SLAIN2: variants seen among roughly 807,000 people sequenced by gnomAD.
SLAIN2 encodes the protein SLAIN family member 2, also known as SLAIN motif-containing protein 2.
Under a neutral mutation model 56.6 loss-of-function variants are expected in SLAIN2, and 31 were observed. That is an observed-to-expected ratio of 0.55 (90% confidence interval 0.41 to 0.74). The LOEUF (loss-of-function observed/expected upper bound fraction) is 0.74, where lower values mean the gene tolerates loss of function less well. Among genes scored for constraint, SLAIN2 ranks in the 30% least tolerant of loss-of-function variants. The pLI is 0.00. For synonymous variants in SLAIN2, 317 were observed against 284.9 expected (o/e 1.11, Z -1.13); for missense variants, 777 against 754.2 (o/e 1.03, Z -0.35).
intron 5 of SLAIN2, 107 bp downstream of exon 5, chr4:48,383,034 G>C: frequency 8.5e-7 from 1 of 1,173,264 alleles, no homozygotes; most frequent in Non-Finnish European, 1.2e-6. Context: ...TGGGCATGGT[G>C]GTGCACATCT....
chr4:48,351,114 A>G (rs1714998875), intron 1 of SLAIN2, among the ~76,000 whole-genome samples: 3 of 152,308 alleles, frequency 2.0e-5, no homozygotes, highest in Middle Eastern at 3.4e-3. Flanking sequence ...GTGAGACAGT[A>G]AGAAAGTACC....
At chr4:48,400,643 C>T (rs547203699) in intron 6 of SLAIN2, among the ~76,000 whole-genome samples, 3 of 152,130 alleles carry the variant, frequency 2.0e-5, no homozygotes, top group South Asian at 2.1e-4. Flanking sequence ...CTCAAGTGAT[C>T]GCCCGCCTTG....
rs539460261 is a variant in SLAIN2, at chr4:48,419,721, A to G, written c.1361-404A>G. On this transcript the variant is annotated intron_variant, in intron 6 of 7. Transcript: ENST00000264313. ...CAGATACTTGATACATGTTTACGTGAATGTTTCTTTTCAGGGGAAATACAT... is the reference window on the plus strand; with the variant it reads ...CAGATACTTGATACATGTTTACGTGGATGTTTCTTTTCAGGGGAAATACAT... Among the ~76,000 whole-genome samples the G allele has an allele frequency of 7.9e-5, 12 of 152,302 alleles. No individual in the cohort carries two copies. The South Asian group carries it at 2.5e-3, about 32-fold the overall frequency.
chr4:48,356,309 T>C (rs1715152458), intron 1 of SLAIN2, among the ~76,000 whole-genome samples: 1 of 152,210 alleles, frequency 6.6e-6, no homozygotes, highest in African/African-American at 2.4e-5. Context: ...TCCATACATA[T>C]ACCCATGTGT....
intron 1 of SLAIN2, among the ~76,000 whole-genome samples, chr4:48,359,626 AT>A (rs1473352736): frequency 6.6e-6 from 1 of 152,160 alleles, no homozygotes; most frequent in African/African-American, 2.4e-5. Context: ...TTGGAGTGTA[AT>A]TTTGGTAGAG....
intron 1 of SLAIN2, among the ~76,000 whole-genome samples, chr4:48,360,656 G>T (rs1432469025): frequency 6.6e-6 from 1 of 152,114 alleles, no homozygotes; most frequent in Non-Finnish European, 1.5e-5. Flanking sequence ...TCAGTGTTCA[G>T]TAGTTTTTAA....
At chr4:48,362,232 CTA>C (rs1560452083) in intron 1 of SLAIN2, among the ~76,000 whole-genome samples, 2 of 151,500 alleles carry the variant, frequency 1.3e-5, no homozygotes, top group Non-Finnish European at 2.9e-5. Context: ...TTAGGAGAAA[CTA>C]TTTGGTCTTT....
chr4:48,368,326 G>A (rs1448125075), intron 1 of SLAIN2, among the ~76,000 whole-genome samples: 1 of 152,112 alleles, frequency 6.6e-6, no homozygotes, highest in East Asian at 1.9e-4. Context: ...CTCCCAAAGT[G>A]CTGGGATTAC....
intron 1 of SLAIN2, among the ~76,000 whole-genome samples, chr4:48,363,862 T>A (rs1715421171): frequency 2.3e-5 from 3 of 131,412 alleles, no homozygotes; most frequent in East Asian, 2.5e-4. Context: ...TACTTCCCAG[T>A]AGGGGCGGCC....
chr4:48,347,523 A>T (rs1459007575), intron 1 of SLAIN2, among the ~76,000 whole-genome samples: 1 of 152,236 alleles, frequency 6.6e-6, no homozygotes, highest in Non-Finnish European at 1.5e-5. Context: ...TGTTGGGATT[A>T]TAGGCGTGAG....
rs1333419143 is a variant in SLAIN2 at position 48,342,096 on chromosome 4, C to T, written c.357C>T (p.Arg119=). Residue 119 remains arginine, a synonymous_variant, in exon 1 of 8, where the codon CGC becomes CGT. Transcript: ENST00000264313. ...CGCTGCGGCCCGACGAGCTGGAGCG[C>T]CTGTCAGGCTGGGAGGAGGAGGAGG... is the stretch of plus-strand genomic sequence containing the variant. ...VEPLRPDELE[R]LSGWEEEEES... 4 of 1,364,484 alleles carry T rather than the reference C, an allele frequency of 2.9e-6. No homozygotes were observed. The highest frequency in any genetic ancestry group is 3.1e-5 in the African/African-American group (2 of 65,084). The allele number at this position is 1,364,484 out of a possible 1,614,324, so 84.5% of individuals were successfully genotyped here. A position where few individuals can be genotyped will look rare whatever the true frequency, so the allele number is the denominator to read the frequency against.
intron 1 of SLAIN2, among the ~76,000 whole-genome samples, chr4:48,354,195 T>C (rs899592129): frequency 1.3e-5 from 2 of 152,338 alleles, no homozygotes; most frequent in East Asian, 1.9e-4. Flanking sequence ...TATTTAGTTG[T>C]ATCTTAAGAG....
At chr4:48,400,947 T>C (rs1716537892) in intron 6 of SLAIN2, among the ~76,000 whole-genome samples, 1 of 152,182 alleles carries the variant, frequency 6.6e-6, no homozygotes, top group Non-Finnish European at 1.5e-5. Context: ...AATTTCCCTC[T>C]TAACATTGCC....
chr4:48,396,540 G>A (rs1245713654), intron 6 of SLAIN2, among the ~76,000 whole-genome samples: 3 of 152,112 alleles, frequency 2.0e-5, no homozygotes, highest in Non-Finnish European at 2.9e-5. Flanking sequence ...CCCTCATATC[G>A]AGACATTAAA....
chr4:48,408,224 G>C (rs1389604488), intron 6 of SLAIN2, among the ~76,000 whole-genome samples: 1 of 152,082 alleles, frequency 6.6e-6, no homozygotes, highest in Non-Finnish European at 1.5e-5. Context: ...CAGCCACTCA[G>C]GAGGGTGAGG....
intron 4 of SLAIN2, 55 bp downstream of exon 4, chr4:48,379,903 G>A (rs537770731): frequency 1.4e-5 from 19 of 1,371,902 alleles, no homozygotes; most frequent in Non-Finnish European, 1.7e-5. Context: ...TAATTTTGTT[G>A]TATATTAAAT....
At chr4:48,404,004 C>T (rs760564075) in intron 6 of SLAIN2, among the ~76,000 whole-genome samples, 3 of 152,158 alleles carry the variant, frequency 2.0e-5, no homozygotes, top group African/African-American at 2.4e-5. Context: ...TCTTGGCTGG[C>T]GATGGGGGCT....
chr4:48,419,012 A>G (rs147583064), intron 6 of SLAIN2, among the ~76,000 whole-genome samples: 2 of 152,068 alleles, frequency 1.3e-5, no homozygotes, highest in African/African-American at 2.4e-5. Context: ...TTGTTTATCC[A>G]TTCATGTGTT....
In SLAIN2 at chr4:48,420,426, T is replaced by G; in HGVS notation, c.1662T>G (p.Leu554=). The G allele has an allele frequency of 6.2e-7, 1 of 1,613,808 alleles. No homozygotes were observed. The highest frequency in any genetic ancestry group is 8.5e-7 in the Non-Finnish European group (1 of 1,179,720). ...AGGIPVPRSK[L]AQPVRRSLPA... ...GCATACCAGTGCCTCGCAGCAAACT[T>G]GCACAGCCTGTTCGCAGGTAAGTGG... The change falls in exon 7 of 8, where the codon CTT becomes CTG. Residue 554 remains leucine, a synonymous_variant. Transcript: ENST00000264313.
Sources: gnomAD v4.1 joint callset for allele counts (sites outside exome capture counted in the v4.1 genomes callset) on GRCh38, gnomAD v4.1.1 for gene constraint, MANE v1.5 for transcripts, NCBI Gene and HGNC (gene_info 2026-07-23, HGNC 2026-07-21) for gene names.